TIAM1: variants seen among roughly 807,000 people sequenced by gnomAD.
TIAM1 encodes TIAM Rac1 associated GEF 1, also known as rho guanine nucleotide exchange factor TIAM1.
Under a neutral mutation model 163.5 loss-of-function variants are expected in TIAM1, and 65 were observed. The ratio of observed to expected loss-of-function variants is 0.40; its 90% confidence interval spans 0.33 to 0.49. TIAM1 has a LOEUF of 0.49. Ranked by LOEUF, TIAM1 falls within the 20% of genes least tolerant of loss-of-function variation. TIAM1 has a pLI of 0.77. For synonymous variants in TIAM1, 833 were observed against 810.1 expected (o/e 1.03, Z -0.48); for missense variants, 1,789 against 2,044.7 (o/e 0.87, Z 2.41).
intron 7 of TIAM1, among the ~76,000 whole-genome samples, 185 bp downstream of exon 7, chr21:31,225,541 A>C (rs1158779838): frequency 1.3e-5 from 2 of 152,088 alleles, no homozygotes; most frequent in Non-Finnish European, 2.9e-5. Context: ...TTAGCTATTA[A>C]CAATCAGCTA....
chr21:31,394,592 C>T (rs1181329536), intron 2 of TIAM1, among the ~76,000 whole-genome samples: 1 of 151,842 alleles, frequency 6.6e-6, no homozygotes, highest in Non-Finnish European at 1.5e-5. Context: ...AGAGGTGGGC[C>T]AGGAGTGAGA....
intron 2 of TIAM1, among the ~76,000 whole-genome samples, chr21:31,461,720 C>T (rs1239427722): frequency 6.6e-6 from 1 of 152,120 alleles, no homozygotes; most frequent in African/African-American, 2.4e-5. Flanking sequence ...AGCTGGAGTG[C>T]AGTAGTGTGA....
intron 13 of TIAM1, among the ~76,000 whole-genome samples, chr21:31,193,822 G>A (rs532617677): frequency 7.9e-5 from 12 of 152,296 alleles, no homozygotes; most frequent in Middle Eastern, 3.4e-3. Flanking sequence ...AGCTAGCTGG[G>A]ACTAAGCATG....
intron 6 of TIAM1, among the ~76,000 whole-genome samples, chr21:31,241,001 T>C (rs1300838048): frequency 1.3e-5 from 2 of 152,144 alleles, no homozygotes; most frequent in South Asian, 2.1e-4. Context: ...TGATAGTAAG[T>C]CTCATGAAAT....
chr21:31,208,967 CA>C (rs1267233285), intron 11 of TIAM1, among the ~76,000 whole-genome samples: 1 of 150,772 alleles, frequency 6.6e-6, no homozygotes, highest in Non-Finnish European at 1.5e-5. Context: ...TTTTTTTTAG[CA>C]GCCCCAAAGA....
intron 2 of TIAM1, among the ~76,000 whole-genome samples, chr21:31,455,182 G>C (rs2045041744): frequency 6.6e-6 from 1 of 151,028 alleles, no homozygotes; most frequent in Admixed American, 6.6e-5. Flanking sequence ...GGGTGGCTGA[G>C]GCAGGAGAAC....
At position 31,120,406 on chromosome 21, in the gene TIAM1, C is replaced by A; in HGVS notation, c.4738G>T (p.Asp1580Tyr). Residue 1580 changes from aspartate (D) to tyrosine (Y), a missense_variant, in exon 28 of 28, where the codon GAC (aspartate) becomes TAC (tyrosine). Physicochemically the swap from Asp to Tyr is radical, Grantham distance 160. Coordinates refer to ENST00000541036, the MANE Select transcript of TIAM1 (RefSeq NM_001353694.2). This position sits in a 1 kb window ranked among gnomAD's most constrained non-coding sequence, Gnocchi z 4.2. ...TTCAGTTTCCTGGAGGGGGCAAAGTCTTCACGCCTAACCCAAATGACTTCC... is the reference window on the plus strand; with the variant it reads ...TTCAGTTTCCTGGAGGGGGCAAAGTATTCACGCCTAACCCAAATGACTTCC... ...SEEVIWVRRE[D>Y]FAPSRKLNTE... The A allele has an allele frequency of 1.2e-6, 2 of 1,613,452 alleles. No homozygotes were observed. The highest frequency in any genetic ancestry group is 8.5e-7 in the Non-Finnish European group (1 of 1,179,696).
chr21:31,544,347 G>A (rs7283932), intron 1 of TIAM1, among the ~76,000 whole-genome samples: 4,534 of 60,286 alleles, frequency 0.075, 234 homozygotes, highest in African/African-American at 0.16. Context: ...AAAGGGCCAC[G>A]ATCCCTCTTG....
At chr21:31,197,648 C>T (rs578190031) in intron 12 of TIAM1, among the ~76,000 whole-genome samples, 2 of 151,834 alleles carry the variant, frequency 1.3e-5, no homozygotes, top group South Asian at 2.1e-4. Flanking sequence ...GGATTACAGG[C>T]GTGAGCCACC....
At chr21:31,333,419 G>A (rs2075740916) in intron 2 of TIAM1, among the ~76,000 whole-genome samples, 1 of 151,940 alleles carries the variant, frequency 6.6e-6, no homozygotes, top group African/African-American at 2.4e-5. Context: ...CCTCTCATTT[G>A]AACCCTTCTA....
intron 2 of TIAM1, among the ~76,000 whole-genome samples, chr21:31,451,229 T>A (rs928541330): frequency 3.3e-5 from 5 of 152,098 alleles, no homozygotes; most frequent in Non-Finnish European, 7.4e-5. Context: ...GCCACAGGCA[T>A]GCCACAGCAC....
intron 1 of TIAM1, among the ~76,000 whole-genome samples, chr21:31,538,715 T>C (rs554322340): frequency 6.6e-6 from 1 of 152,352 alleles, no homozygotes; most frequent in East Asian, 1.9e-4. Context: ...TTTTCATTAA[T>C]GCTGCCTTGG....
intron 15 of TIAM1, among the ~76,000 whole-genome samples, chr21:31,173,370 G>T (rs1012130068): frequency 6.6e-6 from 1 of 152,124 alleles, no homozygotes; most frequent in African/African-American, 2.4e-5. Flanking sequence ...ATATTTAGCT[G>T]GAACTCAACT....
chr21:31,287,854 T>C lies in TIAM1; in HGVS notation c.-188-10946A>G, dbSNP rs1357358918. ...GGAGTTACATGATCAAACATAGTTT[T>C]CCCACCTGGGTAGCTTGGAAGAGAA... On this transcript the variant is annotated intron_variant, in intron 2 of 27. Transcript: ENST00000541036. Among the ~76,000 whole-genome samples, 6 of 152,162 alleles carry C rather than the reference T, an allele frequency of 3.9e-5. No homozygotes were observed. In the South Asian group the frequency reaches 6.2e-4, roughly 16 times the overall value.
chr21:31,499,996 GTCT>G (rs1366550515), intron 1 of TIAM1, among the ~76,000 whole-genome samples: 39 of 151,974 alleles, frequency 2.6e-4, no homozygotes, highest in African/African-American at 9.2e-4. Flanking sequence ...GTGAAACCCT[GTCT>G]CCACTAAAAT....
chr21:31,497,182 T>C (rs905928773), intron 1 of TIAM1, among the ~76,000 whole-genome samples: 3 of 152,138 alleles, frequency 2.0e-5, no homozygotes, highest in African/African-American at 7.2e-5. Flanking sequence ...ACCATCTAGG[T>C]TTAGGAAAAT....
At chr21:31,519,305 C>CA (rs369132676) in intron 1 of TIAM1, among the ~76,000 whole-genome samples, 6,747 of 52,840 alleles carry the variant, frequency 0.13, 533 homozygotes, top group Admixed American at 0.17. Context: ...AACTCTGTCT[C>CA]AAAAAAAAAA....
At chr21:31,160,453 G>A (rs1255258047) in intron 16 of TIAM1, 1 of 398,548 alleles carries the variant, frequency 2.5e-6, no homozygotes, top group Admixed American at 4.4e-5. Context: ...ACCAGATGAA[G>A]TGTTCGATAC....
intron 22 of TIAM1, among the ~76,000 whole-genome samples, 179 bp from the exon 23 acceptor site, chr21:31,136,220 A>C (rs1295553443): frequency 6.6e-6 from 1 of 152,272 alleles, no homozygotes; most frequent in Non-Finnish European, 1.5e-5. Context: ...TAGCCATTCC[A>C]CAATGTAACA....
Sources: allele counts gnomAD v4.1 joint callset (sites outside exome capture counted in the v4.1 genomes callset), GRCh38; gene constraint gnomAD v4.1.1; non-coding constraint Gnocchi (gnomAD v3.1); transcripts MANE v1.5; gene names NCBI Gene and HGNC (gene_info 2026-07-23, HGNC 2026-07-21).